Variants in HNRNPUL1 observed in about 807,000 individuals in gnomAD.
HNRNPUL1 encodes the protein heterogeneous nuclear ribonucleoprotein U-like protein 1.
HNRNPUL1 carries 14 observed loss-of-function variants against 108.5 expected under a neutral mutation model. That is an observed-to-expected ratio of 0.13 (90% CI 0.09 to 0.20). The LOEUF (loss-of-function observed/expected upper bound fraction) is 0.20. HNRNPUL1 is among the 10% of genes least tolerant of loss of function. The probability of loss-of-function intolerance (pLI) is 1.00; values close to 1 mark genes in which losing one functional copy is unlikely to be tolerated. For synonymous variants in HNRNPUL1, 422 were observed against 445.2 expected, an observed-to-expected ratio of 0.95 and a Z score of 0.66; for missense variants, 804 against 1,168.3, an observed-to-expected ratio of 0.69 and a Z score of 4.55.
chr19:41,280,929 A>G (rs2035863996), intron 6 of HNRNPUL1: 1 of 484,178 alleles, frequency 2.1e-6, no homozygotes, highest in Non-Finnish European at 3.8e-6. Flanking sequence ...GTGCAGAGTT[A>G]TTCAGTTGAG....
upstream of HNRNPUL1, among the ~76,000 whole-genome samples, chr19:41,263,896 A>G (rs1413811226): frequency 6.6e-6 from 1 of 152,152 alleles, no homozygotes; most frequent in Non-Finnish European, 1.5e-5. Context: ...AACAGGAAGG[A>G]GGGGTTTCTG....
At position 41,264,561 on chromosome 19, in the gene HNRNPUL1, C is replaced by T. The variant is rs369468843; in HGVS notation, c.58C>T (p.Leu20=). 1.7e-4 allele frequency: 255 copies of T among 1,540,330 alleles called. No individual in the cohort carries two copies. The African/African-American group carries it at 3.1e-3, about 19-fold the overall frequency. Reference sequence around the variant, plus strand: ...TCGCGAGGAGCTGCAGCGCCGCGGCCTGGACACTCGAGGCCTCAAGGCCGA... The same window carrying T: ...TCGCGAGGAGCTGCAGCGCCGCGGCTTGGACACTCGAGGCCTCAAGGCCGA... ...ELREELQRRG[L]DTRGLKAELA... is the part of the protein sequence containing the mutation. Residue 20 remains leucine (L), a synonymous_variant, in exon 1 of 15, where the codon CTG becomes TTG. Coordinates refer to ENST00000392006, the MANE Select transcript of HNRNPUL1 (RefSeq NM_007040.6).
Position 41,292,215 on chromosome 19 carries a change from C to T in HNRNPUL1, c.1000-30C>T. On this transcript the variant is annotated intron_variant, in intron 7 of 14. Transcript: ENST00000392006. This position sits in a 1 kb window ranked among gnomAD's most constrained non-coding sequence, Gnocchi z 4.1. ...TCCCAGTGCCTATGGCAAGAGTTGG[C>T]AATCATATTCCTTTGGCTTTTTCTC... The T allele has an allele frequency of 6.2e-7, 1 of 1,608,082 alleles. No individual in the cohort carries two copies. Among genetic ancestry groups the T allele is most frequent in the Non-Finnish European group, 8.5e-7 (1 of 1,175,188 alleles).
intron 5 of HNRNPUL1, 94 bp from the exon 6 acceptor site, chr19:41,278,983 T>C: frequency 4.5e-6 from 4 of 880,102 alleles, no homozygotes; most frequent in Non-Finnish European, 7.5e-6. Flanking sequence ...GCCATTGCTA[T>C]TTTTTAATGC....
intron 7 of HNRNPUL1, among the ~76,000 whole-genome samples, chr19:41,286,907 G>A (rs1034623832): frequency 7.3e-5 from 11 of 151,430 alleles, no homozygotes; most frequent in Admixed American, 4.6e-4. Context: ...TAGTAGAGAC[G>A]GGGTTTCACC....
Position 41,292,210 on chromosome 19 carries a change from G to A in HNRNPUL1, c.1000-35G>A, listed in dbSNP as rs2036623347. The A allele has an allele frequency of 1.9e-6, 3 of 1,607,598 alleles. No homozygotes were observed. The highest frequency in any genetic ancestry group is 2.6e-6 in the Non-Finnish European group (3 of 1,174,896). Reference sequence around the variant, plus strand: ...TTGACTCCCAGTGCCTATGGCAAGAGTTGGCAATCATATTCCTTTGGCTTT... The same window carrying A: ...TTGACTCCCAGTGCCTATGGCAAGAATTGGCAATCATATTCCTTTGGCTTT... On this transcript the variant is annotated intron_variant, in intron 7 of 14. Coordinates refer to ENST00000392006, the MANE Select transcript of HNRNPUL1 (RefSeq NM_007040.6). The surrounding 1 kb of genome is among the most constrained non-coding windows in gnomAD (Gnocchi z 4.1).
At chr19:41,301,789 T>C in intron 11 of HNRNPUL1, 85 bp downstream of exon 11, 2 of 1,222,030 alleles carry the variant, frequency 1.6e-6, no homozygotes, top group Non-Finnish European at 2.3e-6. Flanking sequence ...CTTCCCTGGC[T>C]CCCCAGTGAT....
intron 11 of HNRNPUL1, among the ~76,000 whole-genome samples, chr19:41,302,238 A>C (rs1166521086): frequency 5.1e-5 from 2 of 39,096 alleles, no homozygotes; most frequent in Admixed American, 2.9e-4. Flanking sequence ...TTTTTTTTGG[A>C]GAGGGAGTCT....
chr19:41,306,675 T>TC lies in HNRNPUL1; in HGVS notation c.*113dup. 1.7e-6 allele frequency: 1 copy of TC among 602,622 alleles called. No homozygotes were observed. The highest frequency in any genetic ancestry group is 2.7e-6 in the Non-Finnish European group (1 of 375,374). 37.3% of individuals were successfully genotyped at this position (602,622 alleles called of 1,614,324 possible). A position where few individuals can be genotyped will look rare whatever the true frequency, so the allele number is the denominator to read the frequency against. ...TCCCGTGGTGCTGGGGATGGGGTCA[T>TC]CCCAGGGCTGCCTCCCTCCAGCCCA... On this transcript the variant is annotated 3_prime_UTR_variant, in exon 15 of 15. Coordinates refer to ENST00000392006, the MANE Select transcript of HNRNPUL1 (RefSeq NM_007040.6).
At chr19:41,291,602 C>T (rs2036578998) in intron 7 of HNRNPUL1, among the ~76,000 whole-genome samples, 1 of 152,096 alleles carries the variant, frequency 6.6e-6, no homozygotes, top group Admixed American at 6.5e-5. Context: ...GTCTCCTCAT[C>T]AGTTTTCAGG....
intron 11 of HNRNPUL1, 167 bp from the exon 12 acceptor site, chr19:41,302,498 C>T (rs746507208): frequency 2.4e-5 from 20 of 847,830 alleles, no homozygotes; most frequent in South Asian, 4.3e-5. Context: ...GGATTACAGG[C>T]GTGAGCCACC....
chr19:41,292,901 G>C lies in HNRNPUL1; in HGVS notation c.1266+390G>C, dbSNP rs2036672469. Among the ~76,000 whole-genome samples, 1 of 152,062 alleles carries C rather than the reference G, an allele frequency of 6.6e-6. No individual in the cohort carries two copies. The highest frequency in any genetic ancestry group is 1.5e-5 in the Non-Finnish European group (1 of 68,018). The stretch of plus-strand genomic sequence containing the variant: ...GCTCTGTCACCCAGGCTGGAGTGCA[G>C]TGGTGCGATCACGGCTTACTGCAGC... On this transcript the variant is annotated intron_variant, in intron 8 of 14. Coordinates refer to ENST00000392006, the MANE Select transcript of HNRNPUL1 (RefSeq NM_007040.6). This position sits in a 1 kb window ranked among gnomAD's most constrained non-coding sequence, Gnocchi z 4.1.
At chr19:41,300,001 A>C (rs1304276354) in intron 10 of HNRNPUL1, among the ~76,000 whole-genome samples, 1 of 152,088 alleles carries the variant, frequency 6.6e-6, no homozygotes, top group Non-Finnish European at 1.5e-5. Flanking sequence ...TAAGACATCC[A>C]TGCCGTTTTC....
intron 3 of HNRNPUL1, among the ~76,000 whole-genome samples, chr19:41,272,744 C>T (rs1471808704): frequency 2.0e-5 from 3 of 152,184 alleles, no homozygotes; most frequent in African/African-American, 7.2e-5. Flanking sequence ...TAGTAAGCCA[C>T]AACCTCTGAG....
intron 6 of HNRNPUL1, among the ~76,000 whole-genome samples, chr19:41,279,595 T>A (rs769283345): frequency 6.6e-6 from 1 of 152,142 alleles, no homozygotes; most frequent in Non-Finnish European, 1.5e-5. Flanking sequence ...CCAGGGCTAG[T>A]TGGGAGAGGG....
At chr19:41,272,885 C>T in intron 3 of HNRNPUL1, among the ~76,000 whole-genome samples, 1 of 152,172 alleles carries the variant, frequency 6.6e-6, no homozygotes, top group Non-Finnish European at 1.5e-5. Context: ...TCCCTCCTTC[C>T]TTCCTTCAGT....
chr19:41,269,113 T>C (rs1387067119), intron 2 of HNRNPUL1, among the ~76,000 whole-genome samples: 2 of 151,836 alleles, frequency 1.3e-5, no homozygotes, highest in Admixed American at 6.6e-5. Context: ...TCACTGTGCT[T>C]GTTAGAACAT....
intron 1 of HNRNPUL1, chr19:41,265,297 T>A: frequency 7.2e-7 from 1 of 1,386,918 alleles, no homozygotes; most frequent in Non-Finnish European, 9.5e-7. Flanking sequence ...GGAAGGAGGA[T>A]CCTGGAATAT....
rs1260773638 is a variant in HNRNPUL1 at position 41,264,785 on chromosome 19, G to A, written c.282G>A (p.Gly94=). The part of the protein sequence containing the change: ...QPHAEPGGYS[G]PDGHYAMDNI... ...ACGCGGAGCCCGGCGGCTACTCGGG[G>A]CCGGACGGACATTGTGAGAGTGCGC... Residue 94 remains glycine (G), a synonymous_variant, in exon 1 of 15, where the codon GGG becomes GGA. Transcript: ENST00000392006. 2 of 1,366,294 alleles carry A rather than the reference G, an allele frequency of 1.5e-6. No homozygotes were observed. The highest frequency in any genetic ancestry group is 1.9e-6 in the Non-Finnish European group (2 of 1,064,336). The allele number at this position is 1,366,294 out of a possible 1,614,324, so 84.6% of individuals were successfully genotyped here. A position where few individuals can be genotyped will look rare whatever the true frequency, so the allele number is the denominator to read the frequency against.
Sources: gnomAD v4.1 joint callset for allele counts (sites outside exome capture counted in the v4.1 genomes callset) on GRCh38, gnomAD v4.1.1 for gene constraint, Gnocchi (gnomAD v3.1) non-coding constraint, MANE v1.5 for transcripts, NCBI Gene and HGNC (gene_info 2026-07-23, HGNC 2026-07-21) for gene names.